Variants in SLC2A9 observed in about 807,000 individuals in gnomAD.
SLC2A9 encodes solute carrier family 2 member 9.
SLC2A9 carries 39 observed loss-of-function variants against 50.6 expected under a neutral mutation model. The observed-to-expected ratio is 0.77, with a 90% CI of 0.60 to 1.01. The LOEUF is 1.01. Among genes scored for constraint, SLC2A9 ranks in the 50% least tolerant of loss-of-function variants. SLC2A9 has a pLI of 0.00. For missense variants in SLC2A9, 686 were observed against 677.6 expected (o/e 1.01, Z -0.14); for synonymous variants, 324 against 276.9 (o/e 1.17, Z -1.69).
intron 11 of SLC2A9, among the ~76,000 whole-genome samples, chr4:9,829,931 C>A (rs1410367620): frequency 1.3e-5 from 2 of 152,148 alleles, no homozygotes; most frequent in South Asian, 4.1e-4. Flanking sequence ...TAAATTAGTT[C>A]AATCATTGTG....
chr4:9,771,742 TAC>T (rs1311482448), intron 1 of SLC2A9, among the ~76,000 whole-genome samples: 5 of 152,116 alleles, frequency 3.3e-5, no homozygotes, highest in African/African-American at 1.2e-4. Flanking sequence ...GCTGCAGAAA[TAC>T]AGAGGGTGGC....
intron 3 of SLC2A9, among the ~76,000 whole-genome samples, chr4:9,790,674 C>T (rs946193066): frequency 5.3e-5 from 8 of 152,130 alleles, no homozygotes; most frequent in Non-Finnish European, 1.2e-4. Flanking sequence ...ACCTGTCTGT[C>T]CTAGAACTAC....
chr4:9,884,936 A>T (rs9998156), intron 10 of SLC2A9, among the ~76,000 whole-genome samples: 1 of 151,932 alleles, frequency 6.6e-6, no homozygotes, highest in African/African-American at 2.4e-5. Context: ...ACCAAACACC[A>T]CATGTTCTCA....
intron 10 of SLC2A9, among the ~76,000 whole-genome samples, chr4:9,840,820 G>T (rs1322460978): frequency 6.6e-6 from 1 of 152,196 alleles, no homozygotes; most frequent in African/African-American, 2.4e-5. Flanking sequence ...AGATTTAATT[G>T]ACTCAGAGTT....
At chr4:9,826,151 T>C (rs537852518), downstream of SLC2A9, 21 of 518,838 alleles carry the variant, frequency 4.0e-5, no homozygotes, top group Admixed American at 4.5e-4. Context: ...TACTGAAACA[T>C]AGAGTGATTC....
chr4:9,771,132 G>T (rs1276698651), downstream of SLC2A9: 5 of 189,870 alleles, frequency 2.6e-5, no homozygotes, highest in East Asian at 5.7e-4. Context: ...ATATTGCAAA[G>T]CATTCAGTCA....
chr4:9,807,831 C>A (rs577891429), intron 3 of SLC2A9, among the ~76,000 whole-genome samples: 1 of 152,138 alleles, frequency 6.6e-6, no homozygotes, highest in Non-Finnish European at 1.5e-5. Context: ...TGGTCAAATG[C>A]GTGTTTCTTG....
At chr4:9,773,344 T>C (rs1454335631) in intron 1 of SLC2A9, among the ~76,000 whole-genome samples, 1 of 152,224 alleles carries the variant, frequency 6.6e-6, no homozygotes, top group African/African-American at 2.4e-5. Context: ...TTGTATCCTG[T>C]AGCTACAGAA....
At chr4:9,779,652 G>C (rs189311886), downstream of SLC2A9, among the ~76,000 whole-genome samples, 1 of 151,842 alleles carries the variant, frequency 6.6e-6, no homozygotes, top group Non-Finnish European at 1.5e-5. Context: ...CTGACCTCAC[G>C]ATCCACCCAC....
At chr4:9,804,486 G>A (rs1721868075) in intron 3 of SLC2A9, among the ~76,000 whole-genome samples, 1 of 152,036 alleles carries the variant, frequency 6.6e-6, no homozygotes, top group Non-Finnish European at 1.5e-5. Flanking sequence ...GTTCTGGGAG[G>A]ATGGTGAGGG....
intron 7 of SLC2A9, among the ~76,000 whole-genome samples, chr4:9,912,297 A>G (rs1014500694): frequency 1.3e-5 from 2 of 149,108 alleles, no homozygotes; most frequent in East Asian, 1.9e-4. Context: ...TAATAATAAT[A>G]AAAAAAAAAG....
At chr4:9,866,068 C>T (rs143727080) in intron 10 of SLC2A9, among the ~76,000 whole-genome samples, 1 of 152,206 alleles carries the variant, frequency 6.6e-6, no homozygotes, top group African/African-American at 2.4e-5. Flanking sequence ...GGACTTGTGG[C>T]ATGGGGGAAA....
At chr4:9,772,205 G>C (rs1266305986) in intron 1 of SLC2A9, among the ~76,000 whole-genome samples, 1 of 152,186 alleles carries the variant, frequency 6.6e-6, no homozygotes, top group Non-Finnish European at 1.5e-5. Flanking sequence ...AGCTCTGGCA[G>C]CCATGCAAGC....
At chr4:10,011,636 G>C (rs1578328279) in intron 2 of SLC2A9, among the ~76,000 whole-genome samples, 1 of 152,126 alleles carries the variant, frequency 6.6e-6, no homozygotes, top group East Asian at 1.9e-4. Flanking sequence ...CCCTAAATTT[G>C]GCAGTCTTTT....
At chr4:9,817,611 A>G (rs9884461) in intron 3 of SLC2A9, among the ~76,000 whole-genome samples, 6,353 of 152,280 alleles carry the variant, frequency 0.042, 407 homozygotes, top group African/African-American at 0.14. Flanking sequence ...AATGTTTAAA[A>G]CGTGTTTTAG....
intron 5 of SLC2A9, among the ~76,000 whole-genome samples, chr4:9,976,960 T>C (rs1754906327): frequency 1.3e-5 from 2 of 152,204 alleles, no homozygotes; most frequent in African/African-American, 2.4e-5. Flanking sequence ...GCCAGACGCC[T>C]GAGAGTTATT....
chr4:9,850,027 A>C (rs564279128), intron 10 of SLC2A9, among the ~76,000 whole-genome samples: 2 of 151,784 alleles, frequency 1.3e-5, no homozygotes, highest in Non-Finnish European at 2.9e-5. Context: ...AGACTGGCAC[A>C]CTCAAGCCAC....
At chr4:10,011,945 C>T (rs941062787) in intron 2 of SLC2A9, among the ~76,000 whole-genome samples, 22 of 152,320 alleles carry the variant, frequency 1.4e-4, no homozygotes, top group Admixed American at 1.0e-3. Flanking sequence ...TTTCTAAAAC[C>T]TCTAGCACAG....
chr4:9,983,968 A>T (rs887577826), intron 4 of SLC2A9, among the ~76,000 whole-genome samples: 1 of 152,206 alleles, frequency 6.6e-6, no homozygotes, highest in African/African-American at 2.4e-5. Flanking sequence ...TAAAATGAAC[A>T]TGAGAAAACA....
Sources: gnomAD v4.1 joint callset for allele counts (sites outside exome capture counted in the v4.1 genomes callset) on GRCh38, gnomAD v4.1.1 for gene constraint, MANE v1.5 for transcripts, NCBI Gene and HGNC (gene_info 2026-07-23, HGNC 2026-07-21) for gene names.